Variants in ELAPOR2 observed in about 807,000 individuals in gnomAD.
ELAPOR2 encodes the protein endosome-lysosome associated apoptosis and autophagy regulator family member 2.
In ELAPOR2, 89 loss-of-function variants were observed where a neutral mutation model predicts 120.7. That is an observed-to-expected ratio of 0.74 (90% CI 0.62 to 0.88). ELAPOR2 has a LOEUF of 0.88. ELAPOR2 is among the 40% of genes least tolerant of loss of function. The probability of loss-of-function intolerance (pLI) is 0.00; values close to 1 mark genes in which losing one functional copy is unlikely to be tolerated. For synonymous variants in ELAPOR2, 444 were observed against 444.9 expected (o/e 1.00, Z 0.03); for missense variants, 1,134 against 1,251.6 (o/e 0.91, Z 1.42).
intron 1 of ELAPOR2, among the ~76,000 whole-genome samples, chr7:87,014,027 CTTT>C (rs35583728): frequency 5.7e-5 from 7 of 122,426 alleles, no homozygotes; most frequent in Non-Finnish European, 6.8e-5. Context: ...ATGTTTTTCA[CTTT>C]TTTTTTTTTT....
chr7:86,883,021 GGGGT>G (rs1799488446), intron 21 of ELAPOR2, among the ~76,000 whole-genome samples: 1 of 127,738 alleles, frequency 7.8e-6, no homozygotes, highest in African/African-American at 3.9e-5. Flanking sequence ...TCGTTTGAAA[GGGGT>G]GTGTGTGTGT....
At chr7:87,003,181 C>A (rs1793371343) in intron 1 of ELAPOR2, among the ~76,000 whole-genome samples, 1 of 152,066 alleles carries the variant, frequency 6.6e-6, no homozygotes, top group South Asian at 2.1e-4. Flanking sequence ...AATAACCCTG[C>A]CCTACATTTT....
chr7:86,987,471 A>T (rs1207089845), intron 1 of ELAPOR2, among the ~76,000 whole-genome samples: 1 of 152,214 alleles, frequency 6.6e-6, no homozygotes, highest in East Asian at 1.9e-4. Context: ...AATATCCAGA[A>T]TCTACAAAGA....
At chr7:86,894,948 C>A (rs960113811) in intron 19 of ELAPOR2, among the ~76,000 whole-genome samples, 2 of 151,922 alleles carry the variant, frequency 1.3e-5, no homozygotes, top group African/African-American at 4.8e-5. Context: ...ACAAGTTGTG[C>A]GGCTCTTTTT....
At chr7:87,057,059 C>G (rs1201115882) in intron 1 of ELAPOR2, among the ~76,000 whole-genome samples, 1 of 152,156 alleles carries the variant, frequency 6.6e-6, no homozygotes, top group Admixed American at 6.5e-5. Context: ...GCATTTGCCT[C>G]CTTTAATGTT....
At position 87,019,068 on chromosome 7, in the gene ELAPOR2, C is replaced by G. The variant is rs1793956848; in HGVS notation, c.189+40257G>C. On this transcript the variant is annotated intron_variant, in intron 1 of 21. Coordinates refer to ENST00000450689, the MANE Select transcript of ELAPOR2 (RefSeq NM_001142749.3). ...TTAAGACATTTAACTTCTCTGTGAC[C>G]AAAATACCATAGATAAAATAAGACA... 2.0e-5 allele frequency among the ~76,000 whole-genome samples: 3 copies of G among 151,976 alleles called. No homozygotes were observed. The South Asian group carries it at 6.2e-4, about 32-fold the overall frequency.
rs529995579 is a variant in ELAPOR2, at chr7:86,911,210, A to G, written c.2169+862T>C. 3.9e-5 allele frequency among the ~76,000 whole-genome samples: 6 copies of G among 152,218 alleles called. No homozygotes were observed. In the South Asian group the frequency reaches 1.0e-3, roughly 26 times the overall value. On this transcript the variant is annotated intron_variant, in intron 15 of 21. Coordinates refer to ENST00000450689, the MANE Select transcript of ELAPOR2 (RefSeq NM_001142749.3). ...CTGGCACATAACAGGTATTTAATTTATATTTATTGAGTGAACTGAGTAACC... is the reference window on the plus strand; with the variant it reads ...CTGGCACATAACAGGTATTTAATTTGTATTTATTGAGTGAACTGAGTAACC...
At chr7:86,979,750 A>G (rs1792401832) in intron 1 of ELAPOR2, among the ~76,000 whole-genome samples, 1 of 152,238 alleles carries the variant, frequency 6.6e-6, no homozygotes, top group South Asian at 2.1e-4. Flanking sequence ...TAGGATCCCA[A>G]GCACAGGTTT....
At chr7:87,051,657 T>C (rs1466459572) in intron 1 of ELAPOR2, among the ~76,000 whole-genome samples, 1 of 152,206 alleles carries the variant, frequency 6.6e-6, no homozygotes, top group Admixed American at 6.5e-5. Context: ...AGGGCTCACA[T>C]TTGCATTAGA....
intron 2 of ELAPOR2, among the ~76,000 whole-genome samples, chr7:86,953,004 G>A (rs1228723006): frequency 6.6e-6 from 1 of 150,978 alleles, no homozygotes; most frequent in African/African-American, 2.4e-5. Context: ...GCTGAGGCAT[G>A]AGAATTGCTT....
At chr7:86,978,837 T>C (rs1792365438) in intron 1 of ELAPOR2, among the ~76,000 whole-genome samples, 2 of 152,250 alleles carry the variant, frequency 1.3e-5, no homozygotes, top group African/African-American at 4.8e-5. Flanking sequence ...TTATTGTGTT[T>C]CAGGTCATAA....
At chr7:86,960,594 T>C (rs901992958) in intron 2 of ELAPOR2, among the ~76,000 whole-genome samples, 1 of 152,180 alleles carries the variant, frequency 6.6e-6, no homozygotes, top group Non-Finnish European at 1.5e-5. Context: ...ATCTGTCCAT[T>C]ATTGTAAGTA....
chr7:87,049,184 ATAAT>A (rs1385483229), intron 1 of ELAPOR2, among the ~76,000 whole-genome samples: 1 of 152,252 alleles, frequency 6.6e-6, no homozygotes, highest in East Asian at 1.9e-4. Context: ...AACCAAATAA[ATAAT>A]TAAAATATAC....
intron 5 of ELAPOR2, among the ~76,000 whole-genome samples, chr7:86,941,756 G>A (rs1018358206): frequency 6.6e-6 from 1 of 151,848 alleles, no homozygotes; most frequent in Non-Finnish European, 1.5e-5. Context: ...ACAATGGGAA[G>A]GGGAAGGAAA....
chr7:87,032,972 C>G (rs1038796301), intron 1 of ELAPOR2, among the ~76,000 whole-genome samples: 22 of 152,020 alleles, frequency 1.4e-4, no homozygotes, highest in Non-Finnish European at 1.8e-4. Flanking sequence ...AAAAGGATCT[C>G]TACCTTGAAA....
intron 2 of ELAPOR2, among the ~76,000 whole-genome samples, chr7:86,953,454 C>T (rs896469151): frequency 4.6e-5 from 7 of 152,156 alleles, no homozygotes; most frequent in African/African-American, 1.7e-4. Flanking sequence ...CCTGCTTTTC[C>T]TTTTATCTTC....
At chr7:86,947,668 A>G in intron 3 of ELAPOR2, 59 bp downstream of exon 3, 1 of 1,378,934 alleles carries the variant, frequency 7.3e-7, no homozygotes, top group Non-Finnish European at 9.9e-7. Context: ...TCTGGAAAAG[A>G]GCAACTACTT....
At chr7:86,910,081 G>C in intron 15 of ELAPOR2, 80 bp from the exon 16 acceptor site, 1 of 1,075,140 alleles carries the variant, frequency 9.3e-7, no homozygotes, top group Non-Finnish European at 1.3e-6. Flanking sequence ...AGTGACCCTA[G>C]AAGAGCAGTG....
At chr7:86,950,094 C>G (rs1031636946) in intron 2 of ELAPOR2, among the ~76,000 whole-genome samples, 2 of 152,210 alleles carry the variant, frequency 1.3e-5, no homozygotes, top group Non-Finnish European at 2.9e-5. Context: ...CATAAAAGCC[C>G]TGGACTCGGT....
Sources: gnomAD v4.1 joint callset for allele counts (sites outside exome capture counted in the v4.1 genomes callset) on GRCh38, gnomAD v4.1.1 for gene constraint, MANE v1.5 for transcripts, NCBI Gene and HGNC (gene_info 2026-07-23, HGNC 2026-07-21) for gene names.